Variants in CFHR4 observed in about 807,000 individuals in gnomAD.
CFHR4 encodes complement factor H-related protein 4.
Under a neutral mutation model 69.3 loss-of-function variants are expected in CFHR4, and 64 were observed. The observed-to-expected ratio is 0.92, with a 90% CI of 0.76 to 1.14. CFHR4 has a LOEUF of 1.14. Ranked by LOEUF, CFHR4 falls within the 50% of genes most tolerant of loss-of-function variation. The pLI, the probability that CFHR4 is intolerant of heterozygous loss-of-function variation, is 0.00. For synonymous variants in CFHR4, 244 were observed against 237.0 expected (o/e 1.03, Z -0.27); for missense variants, 636 against 684.9 (o/e 0.93, Z 0.80).
intron 1 of CFHR4, among the ~76,000 whole-genome samples, chr1:196,893,232 T>C (rs186914083): frequency 2.0e-5 from 3 of 151,838 alleles, no homozygotes; most frequent in Non-Finnish European, 4.4e-5. Flanking sequence ...GATAGAGTTA[T>C]AGCGTTATAA....
In CFHR4 at chr1:196,917,138, A is replaced by C. The variant is rs191251069; in HGVS notation, c.1541-1072A>C. 6.2e-3 allele frequency among the ~76,000 whole-genome samples: 869 copies of C among 139,446 alleles called. 36 individuals carry two copies. Among genetic ancestry groups the C allele is most frequent in the African/African-American group, 0.022 (838 of 37,754 alleles). 91.5% of individuals were successfully genotyped at this position (139,446 alleles called of 152,430 possible). On this transcript the variant is annotated intron_variant, in intron 9 of 9. Transcript: ENST00000608469. ...TGTTAAGAAATTTATTTAAGTAAGT[A>C]CTTGAAAGATGTATTAAAATATGAT...
At chr1:196,899,367 C>T (rs905075173) in intron 1 of CFHR4, among the ~76,000 whole-genome samples, 2 of 151,488 alleles carry the variant, frequency 1.3e-5, no homozygotes, top group Non-Finnish European at 2.9e-5. Context: ...CAGTATACGT[C>T]GCTGCAATCT....
rs1351065170 is a variant in CFHR4 at position 196,906,943 on chromosome 1, T to C, written c.522T>C (p.Tyr174=). ...TTAAGCTCCATGACACATTGGACTA[T>C]GAATGCTATGATGGATATGAAAGCA... ...MWFKLHDTLD[Y]ECYDGYESSY... The change falls in exon 4 of 10, where the codon TAT becomes TAC. Residue 174 remains tyrosine (Y), a synonymous_variant. Coordinates refer to ENST00000608469, the MANE Select transcript of CFHR4 (RefSeq NM_001201550.3). 6.2e-6 allele frequency: 10 copies of C among 1,612,570 alleles called. No individual in the cohort carries two copies. Among genetic ancestry groups the C allele is most frequent in the Admixed American group, 5.0e-5 (3 of 59,844 alleles).
chr1:196,918,002 A>G (rs1658751635), intron 9 of CFHR4, among the ~76,000 whole-genome samples: 1 of 151,650 alleles, frequency 6.6e-6, no homozygotes, highest in African/African-American at 2.4e-5. Flanking sequence ...ACCTCACCTG[A>G]TGATCTCTGC....
chr1:196,914,112 T>C (rs1357805143), intron 7 of CFHR4, among the ~76,000 whole-genome samples: 3 of 151,424 alleles, frequency 2.0e-5, no homozygotes, highest in Non-Finnish European at 4.4e-5. Flanking sequence ...AGTAAATCGT[T>C]ACATAACTAC....
intron 1 of CFHR4, 77 bp downstream of exon 1, chr1:196,888,285 T>A: frequency 7.0e-7 from 1 of 1,420,770 alleles, no homozygotes; most frequent in Non-Finnish European, 9.9e-7. Flanking sequence ...CATATGTCTA[T>A]AATTTTTTTA....
intron 1 of CFHR4, among the ~76,000 whole-genome samples, chr1:196,900,480 A>G (rs1421743473): frequency 6.6e-6 from 1 of 151,362 alleles, no homozygotes; most frequent in East Asian, 1.9e-4. Flanking sequence ...TTTTTTGAAA[A>G]GAAATCTCAG....
chr1:196,910,364 A>G lies in CFHR4; in HGVS notation c.883A>G (p.Thr295Ala), dbSNP rs1282474653. Residue 295 changes from threonine (T) to alanine (A), a missense_variant, in exon 6 of 10, where the codon ACA (threonine) becomes GCA (alanine). By Grantham distance (58) the Thr-to-Ala change is moderately conservative. Transcript: ENST00000608469. The part of the protein sequence containing the change: ...NTRRPYFPVA[T>A]GQSYSYYCDQ... ...GCGTAGACCATACTTTCCAGTAGCT[A>G]CAGGACAATCTTACTCCTATTACTG... 1.9e-6 allele frequency: 3 copies of G among 1,611,694 alleles called. No individual in the cohort carries two copies. Among genetic ancestry groups the G allele is most frequent in the African/African-American group, 1.3e-5 (1 of 74,322 alleles).
At chr1:196,893,735 C>G (rs1480958462) in intron 1 of CFHR4, among the ~76,000 whole-genome samples, 1 of 151,384 alleles carries the variant, frequency 6.6e-6, no homozygotes, top group African/African-American at 2.4e-5. Context: ...ATGTGTAATA[C>G]CATTGTTTGT....
At chr1:196,891,228 G>A (rs553529252) in intron 1 of CFHR4, among the ~76,000 whole-genome samples, 1 of 151,620 alleles carries the variant, frequency 6.6e-6, no homozygotes, top group East Asian at 1.9e-4. Flanking sequence ...CTCCAGCCTT[G>A]GCGACAGAGC....
chr1:196,918,500 T>G lies in CFHR4; in HGVS notation c.*94T>G. 8.1e-7 allele frequency: 1 copy of G among 1,236,800 alleles called. No homozygotes were observed. Among genetic ancestry groups the G allele is most frequent in the Non-Finnish European group, 1.2e-6 (1 of 852,860 alleles). The allele number at this position is 1,236,800 out of a possible 1,614,324, so 76.6% of individuals were successfully genotyped here. ...AGATAGCTTCTGATATTGTTGTAAT[T>G]TCTACTTTATTTCAAAGAAAATTAA... On this transcript the variant is annotated 3_prime_UTR_variant, in exon 10 of 10. Coordinates refer to ENST00000608469, the MANE Select transcript of CFHR4 (RefSeq NM_001201550.3).
intron 1 of CFHR4, among the ~76,000 whole-genome samples, chr1:196,896,218 T>C (rs1657287764): frequency 6.6e-6 from 1 of 151,090 alleles, no homozygotes; most frequent in African/African-American, 2.4e-5. Flanking sequence ...CTTCCTGCAT[T>C]GTTTTCATTT....
chr1:196,908,976 C>T lies in CFHR4; in HGVS notation c.800-1305C>T, dbSNP rs1195897223. Among the ~76,000 whole-genome samples the T allele has an allele frequency of 3.3e-5, 5 of 151,516 alleles. No individual in the cohort carries two copies. The East Asian group carries it at 9.7e-4, about 29-fold the overall frequency. ...ATTATTGTCCCTATTTATGTATCCA[C>T]TTCTGTAGATGATCATGTGTAAGTC... On this transcript the variant is annotated intron_variant, in intron 5 of 9. Coordinates refer to ENST00000608469, the MANE Select transcript of CFHR4 (RefSeq NM_001201550.3).
chr1:196,917,575 A>G (rs969568367), intron 9 of CFHR4, among the ~76,000 whole-genome samples: 4 of 151,514 alleles, frequency 2.6e-5, no homozygotes, highest in African/African-American at 9.8e-5. Context: ...CTGTGTGCTT[A>G]TCCTTGCCTC....
intron 6 of CFHR4, among the ~76,000 whole-genome samples, chr1:196,910,921 C>A (rs992182042): frequency 7.3e-5 from 11 of 151,288 alleles, no homozygotes; most frequent in African/African-American, 2.4e-4. Context: ...ACAATGTATT[C>A]TCAGTTATTT....
Position 196,905,187 on chromosome 1 carries a change from AAC to A in CFHR4, c.340_341del (p.Gln114IlefsTer2). ...SSSIYILNEETQYNCKPGYAT... is the reference protein window; with the variant it reads ...SSSIYILNEEXQYNCKPGYAT... ...CCTCTATTTATATTTTAAATGAAGAAACACAATATAATTGTAAACCAGGATAT... is the reference window on the plus strand; with the variant it reads ...CCTCTATTTATATTTTAAATGAAGAAACAATATAATTGTAAACCAGGATAT... On this transcript the variant is annotated frameshift_variant, in exon 3 of 10. Transcript: ENST00000608469. LOFTEE classifies it high-confidence loss of function. The A allele has an allele frequency of 1.2e-6, 2 of 1,610,258 alleles. No homozygotes were observed. The highest frequency in any genetic ancestry group is 1.3e-5 in the African/African-American group (1 of 74,420).
rs1212824623 is a variant in CFHR4, at chr1:196,909,291, C to A, written c.800-990C>A. On this transcript the variant is annotated intron_variant, in intron 5 of 9. Coordinates refer to ENST00000608469, the MANE Select transcript of CFHR4 (RefSeq NM_001201550.3). ...CAAGCAAGACTTTCAGTCTTAAAAT[C>A]TAAAGAAGCAAAGAGCATTCAAGCA... Among the ~76,000 whole-genome samples the A allele has an allele frequency of 1.3e-5, 2 of 151,256 alleles. 1 individual carries two copies. The highest frequency in any genetic ancestry group is 4.9e-5 in the African/African-American group (2 of 40,942).
intron 7 of CFHR4, 115 bp downstream of exon 7, chr1:196,913,037 A>C: frequency 6.5e-7 from 1 of 1,535,706 alleles, no homozygotes; most frequent in Non-Finnish European, 8.8e-7. Flanking sequence ...AGATACAAAT[A>C]CTTCTAAAAC....
Position 196,902,723 on chromosome 1 carries a change from G to A in CFHR4, c.256+108G>A, listed in dbSNP as rs1571428364. 4.7e-5 allele frequency: 39 copies of A among 836,592 alleles called. No individual in the cohort carries two copies. In the East Asian group the frequency reaches 1.0e-3, roughly 22 times the overall value. 51.8% of individuals were successfully genotyped at this position (836,592 alleles called of 1,614,324 possible). A position where few individuals can be genotyped will look rare whatever the true frequency, so the allele number is the denominator to read the frequency against. ...TATAACAGAAATAGGACCAAAGGAA[G>A]AGTTGTTCAAGCAAAAAGACCAAAA... On this transcript the variant is annotated intron_variant, in intron 2 of 9. Coordinates refer to ENST00000608469, the MANE Select transcript of CFHR4 (RefSeq NM_001201550.3).
Sources: gnomAD v4.1 joint callset for allele counts (sites outside exome capture counted in the v4.1 genomes callset) on GRCh38, gnomAD v4.1.1 for gene constraint, MANE v1.5 for transcripts, NCBI Gene and HGNC (gene_info 2026-07-23, HGNC 2026-07-21) for gene names.